The following EFCAB11 variants were observed in gnomAD, a reference collection of about 807,000 sequenced individuals.
EFCAB11 encodes the protein EF-hand calcium-binding domain-containing protein 11.
In EFCAB11, 14 loss-of-function variants were observed where a neutral mutation model predicts 23.0. That is an observed-to-expected ratio of 0.61 (90% CI 0.40 to 0.95). The LOEUF (loss-of-function observed/expected upper bound fraction) is 0.95, where lower values mean the gene tolerates loss of function less well. EFCAB11 is among the 40% of genes least tolerant of loss of function. The pLI, the probability that EFCAB11 is intolerant of heterozygous loss-of-function variation, is 0.00. For synonymous variants in EFCAB11, 65 were observed against 66.6 expected (o/e 0.98, Z 0.11); for missense variants, 198 against 195.8 (o/e 1.01, Z -0.07).
intron 2 of EFCAB11, among the ~76,000 whole-genome samples, chr14:89,952,137 TG>T (rs1354395290): frequency 1.4e-4 from 21 of 152,234 alleles, no homozygotes; most frequent in Non-Finnish European, 2.6e-4. Flanking sequence ...AAAAGTTCAT[TG>T]TACAAATGAC....
chr14:89,922,999 C>T (rs1234743970), intron 5 of EFCAB11, among the ~76,000 whole-genome samples: 1 of 152,192 alleles, frequency 6.6e-6, no homozygotes, highest in Non-Finnish European at 1.5e-5. Context: ...ACTTCAAAAT[C>T]TGAGCTTCCT....
intron 5 of EFCAB11, among the ~76,000 whole-genome samples, chr14:89,858,230 C>T (rs1008254354): frequency 1.3e-5 from 2 of 152,190 alleles, no homozygotes; most frequent in Non-Finnish European, 2.9e-5. Context: ...AAACTGAGGC[C>T]TCCTGCAGAC....
chr14:89,814,418 C>G (rs925514921), intron 5 of EFCAB11, among the ~76,000 whole-genome samples: 3 of 152,068 alleles, frequency 2.0e-5, no homozygotes, highest in South Asian at 4.1e-4. Flanking sequence ...AAAAATCACC[C>G]AGCAGGCCGG....
chr14:89,920,326 C>T (rs967996898), intron 5 of EFCAB11, among the ~76,000 whole-genome samples: 1 of 152,160 alleles, frequency 6.6e-6, no homozygotes, highest in African/African-American at 2.4e-5. Flanking sequence ...ATCAAGAATG[C>T]TCTTAGGGCA....
chr14:89,919,819 T>C (rs1005074726), intron 5 of EFCAB11, among the ~76,000 whole-genome samples: 21 of 152,182 alleles, frequency 1.4e-4, no homozygotes, highest in African/African-American at 4.8e-4. Flanking sequence ...AGTAAGTCTA[T>C]AGTGGATTTA....
At chr14:89,947,628 G>A (rs1891026711) in intron 3 of EFCAB11, among the ~76,000 whole-genome samples, 1 of 152,164 alleles carries the variant, frequency 6.6e-6, no homozygotes, top group Non-Finnish European at 1.5e-5. Flanking sequence ...GCATTTGATA[G>A]TGCTGACCAC....
intron 5 of EFCAB11, chr14:89,829,785 G>C (rs1203922412): frequency 6.6e-6 from 1 of 152,134 alleles, no homozygotes; most frequent in African/African-American, 2.4e-5. Context: ...TCAATGAAGA[G>C]CAAACACCAA....
At chr14:89,818,263 C>T (rs1886395596) in intron 5 of EFCAB11, among the ~76,000 whole-genome samples, 1 of 152,104 alleles carries the variant, frequency 6.6e-6, no homozygotes, top group Non-Finnish European at 1.5e-5. Flanking sequence ...TGAAATATAA[C>T]TGTAATGTCG....
chr14:89,828,499 A>G (rs546618437), intron 5 of EFCAB11, among the ~76,000 whole-genome samples: 2 of 152,312 alleles, frequency 1.3e-5, no homozygotes, highest in South Asian at 4.1e-4. Context: ...CAAAGAGTTC[A>G]TAGTGCTTTT....
intron 5 of EFCAB11, among the ~76,000 whole-genome samples, chr14:89,805,857 G>A (rs569221891): frequency 6.6e-6 from 1 of 152,280 alleles, no homozygotes; most frequent in South Asian, 2.1e-4. Context: ...GAACTTGATG[G>A]ACAGACAGCA....
intron 5 of EFCAB11, among the ~76,000 whole-genome samples, chr14:89,857,358 G>A (rs1183698333): frequency 1.3e-5 from 2 of 152,200 alleles, no homozygotes; most frequent in African/African-American, 2.4e-5. Flanking sequence ...GCACGAAGAC[G>A]GAAAGACTGG....
chr14:89,847,675 G>T (rs532909078), intron 5 of EFCAB11, among the ~76,000 whole-genome samples: 141 of 148,714 alleles, frequency 9.5e-4, no homozygotes, highest in African/African-American at 3.4e-3. Context: ...GGAGGTGGAG[G>T]TTGCAGTGGG....
chr14:89,878,041 C>A (rs17126435), intron 5 of EFCAB11, among the ~76,000 whole-genome samples: 2 of 152,212 alleles, frequency 1.3e-5, no homozygotes, highest in South Asian at 4.1e-4. Context: ...TTTCTTCCAA[C>A]GCTACAGAAC....
rs545750085 is a variant in EFCAB11, at chr14:89,835,202, C to A, written c.411-37878G>T. 4.6e-5 allele frequency among the ~76,000 whole-genome samples: 7 copies of A among 152,310 alleles called. No individual in the cohort carries two copies. The South Asian group carries it at 1.5e-3, about 32-fold the overall frequency. On this transcript the variant is annotated intron_variant, in intron 5 of 5. Coordinates refer to ENST00000316738, the MANE Select transcript of EFCAB11 (RefSeq NM_145231.4). ...AACCAGAAAGAGCTGCCTGAGAGAA[C>A]ACAGCAGGATGCCCGGAGGCAGAGG...
At chr14:89,802,207 T>A (rs1596371882) in intron 5 of EFCAB11, among the ~76,000 whole-genome samples, 1 of 136,090 alleles carries the variant, frequency 7.3e-6, no homozygotes, top group African/African-American at 2.7e-5. Context: ...CCAAGTTACT[T>A]AAAAAAAAAA....
intron 3 of EFCAB11, among the ~76,000 whole-genome samples, chr14:89,937,064 C>A (rs149485902): frequency 3.3e-5 from 5 of 152,278 alleles, no homozygotes; most frequent in African/African-American, 1.2e-4. Flanking sequence ...CTAATAGTTA[C>A]CTAAACATCC....
chr14:89,898,856 T>G (rs2140199913), intron 5 of EFCAB11, among the ~76,000 whole-genome samples: 1 of 151,714 alleles, frequency 6.6e-6, no homozygotes, highest in East Asian at 1.9e-4. Context: ...TCATTTTCTG[T>G]AGTGACGGGG....
rs189131139 is a variant in EFCAB11 at position 89,880,561 on chromosome 14, G to A, written c.410+50980C>T. The stretch of plus-strand genomic sequence containing the variant: ...GATCCTAAACTGAGACTTCACTTCC[G>A]TTTTTCTTTTCTTTTGAAGGTGTTT... On this transcript the variant is annotated intron_variant, in intron 5 of 5. Coordinates refer to ENST00000316738, the MANE Select transcript of EFCAB11 (RefSeq NM_145231.4). 3.3e-5 allele frequency among the ~76,000 whole-genome samples: 5 copies of A among 152,116 alleles called. No homozygotes were observed. In the East Asian group the frequency reaches 7.7e-4, roughly 24 times the overall value.
At position 89,915,540 on chromosome 14, in the gene EFCAB11, A is replaced by C. The variant is rs1342694679; in HGVS notation, c.410+16001T>G. Among the ~76,000 whole-genome samples the C allele has an allele frequency of 2.6e-5, 4 of 152,330 alleles. No homozygotes were observed. In the East Asian group the frequency reaches 7.7e-4, roughly 29 times the overall value. On this transcript the variant is annotated intron_variant, in intron 5 of 5. Transcript: ENST00000316738. ...TAAGAGAGGATCATGCATTTATTTC[A>C]TATTTAATTTACGGTGAATCAATTT...
Sources: allele counts gnomAD v4.1 joint callset (sites outside exome capture counted in the v4.1 genomes callset), GRCh38; gene constraint gnomAD v4.1.1; transcripts MANE v1.5; gene names NCBI Gene and HGNC (gene_info 2026-07-23, HGNC 2026-07-21).